CACNA1D: variants seen among roughly 807,000 people sequenced by gnomAD.
CACNA1D encodes the protein voltage-dependent L-type calcium channel subunit alpha-1D.
In CACNA1D, 55 loss-of-function variants were observed where a neutral mutation model predicts 257.1. That is an observed-to-expected ratio of 0.21 (90% confidence interval 0.17 to 0.27). The LOEUF is 0.27. Among genes scored for constraint, CACNA1D ranks in the 10% least tolerant of loss-of-function variants. The pLI is 1.00. For missense variants in CACNA1D, 1,876 were observed against 2,784.0 expected (o/e 0.67, Z 7.34); for synonymous variants, 980 against 1,014.9 (o/e 0.97, Z 0.65).
At chr3:53,768,277 T>G (rs995879807) in intron 30 of CACNA1D, among the ~76,000 whole-genome samples, 5 of 152,086 alleles carry the variant, frequency 3.3e-5, no homozygotes. Context: ...TTGTGCACAT[T>G]TCAGAAGGAT....
chr3:53,605,577 G>A (rs145193131), intron 3 of CACNA1D, among the ~76,000 whole-genome samples: 3 of 152,376 alleles, frequency 2.0e-5, no homozygotes, highest in African/African-American at 7.2e-5. Flanking sequence ...CAGGGAAGCA[G>A]TTAGGAAGAC....
chr3:53,700,273 G>T (rs2094610852), intron 8 of CACNA1D, among the ~76,000 whole-genome samples: 1 of 151,850 alleles, frequency 6.6e-6, no homozygotes, highest in African/African-American at 2.4e-5. Context: ...GTAACCATCT[G>T]AATTTAGTAT....
chr3:53,691,910 ATATAATATATATT>A (rs2094532583), intron 8 of CACNA1D, among the ~76,000 whole-genome samples: 3 of 65,244 alleles, frequency 4.6e-5, no homozygotes, highest in African/African-American at 1.2e-4. Context: ...CATATATTAT[ATATAATATATATT>A]ATATATATTA....
At chr3:53,649,354 T>C (rs1004439105) in intron 3 of CACNA1D, among the ~76,000 whole-genome samples, 2 of 152,264 alleles carry the variant, frequency 1.3e-5, no homozygotes, top group Admixed American at 6.5e-5. Flanking sequence ...CATAAAAATA[T>C]ATAATAGTGA....
At chr3:53,547,176 A>C (rs2092429831) in intron 3 of CACNA1D, among the ~76,000 whole-genome samples, 1 of 152,114 alleles carries the variant, frequency 6.6e-6, no homozygotes, top group Non-Finnish European at 1.5e-5. Context: ...AGTCCAGTGC[A>C]CCTGTCATTG....
At position 53,656,316 on chromosome 3, in the gene CACNA1D, AT is replaced by A. The variant is rs139937915; in HGVS notation, c.624-3816del. On this transcript the variant is annotated intron_variant, in intron 4 of 47. Coordinates refer to ENST00000350061, the MANE Select transcript of CACNA1D (RefSeq NM_001128840.3). Reference sequence around the variant, plus strand: ...AATTTTTTTTCTAGTTATGTGAAGAATGTCATTGGTGGTTTGATAGGAATAA... The same window carrying A: ...AATTTTTTTTCTAGTTATGTGAAGAAGTCATTGGTGGTTTGATAGGAATAA... Among the ~76,000 whole-genome samples, 696 of 152,318 alleles carry A rather than the reference AT, an allele frequency of 4.6e-3. 25 individuals carry two copies. In the East Asian group the frequency reaches 0.085, roughly 19 times the overall value.
At chr3:53,727,077 GTGA>G in intron 15 of CACNA1D, 78 bp downstream of exon 15, 1 of 1,529,546 alleles carries the variant, frequency 6.5e-7, no homozygotes, top group Non-Finnish European at 9.0e-7. Context: ...TTTCTCTGTG[GTGA>G]TGGTGGTGGT....
chr3:53,600,554 G>A (rs895172821), intron 3 of CACNA1D, among the ~76,000 whole-genome samples: 5 of 152,166 alleles, frequency 3.3e-5, no homozygotes, highest in African/African-American at 1.2e-4. Flanking sequence ...CTAGTAAATG[G>A]CAGAACTGGG....
intron 3 of CACNA1D, among the ~76,000 whole-genome samples, chr3:53,533,664 C>T (rs908387026): frequency 3.3e-5 from 5 of 152,282 alleles, no homozygotes; most frequent in East Asian, 1.9e-4. Flanking sequence ...TCCCTGGGGT[C>T]CCCAGCCTGC....
chr3:53,545,021 A>G (rs776768542), intron 3 of CACNA1D, among the ~76,000 whole-genome samples: 2 of 152,170 alleles, frequency 1.3e-5, no homozygotes, highest in Admixed American at 1.3e-4. Flanking sequence ...AAAGGGGAGG[A>G]AAGATGGATA....
intron 7 of CACNA1D, among the ~76,000 whole-genome samples, chr3:53,668,903 CAACT>C (rs2094295613): frequency 6.6e-6 from 1 of 152,070 alleles, no homozygotes; most frequent in African/African-American, 2.4e-5. Flanking sequence ...TTTCCCCCAC[CAACT>C]ATTTCAAATT....
At chr3:53,729,147 G>A (rs2094963505) in intron 15 of CACNA1D, among the ~76,000 whole-genome samples, 1 of 152,180 alleles carries the variant, frequency 6.6e-6, no homozygotes, top group South Asian at 2.1e-4. Flanking sequence ...ATGTTACCAA[G>A]CCATCTCCAG....
intron 32 of CACNA1D, among the ~76,000 whole-genome samples, chr3:53,772,314 G>A (rs2095370723): frequency 6.6e-6 from 1 of 152,116 alleles, no homozygotes; most frequent in South Asian, 2.1e-4. Flanking sequence ...CTTCCCCTCT[G>A]ACCCAGTAAT....
rs372058964 is a variant in CACNA1D at position 53,717,793 on chromosome 3, T to C, written c.1391-508T>C. ...AAATAGAGTTCTTAACTCTAAAAAA[T>C]GTTGTGCATGGTACCTTCATGCACT... On this transcript the variant is annotated intron_variant, in intron 9 of 47. Coordinates refer to ENST00000350061, the MANE Select transcript of CACNA1D (RefSeq NM_001128840.3). Among the ~76,000 whole-genome samples, 233 of 152,242 alleles carry C rather than the reference T, an allele frequency of 1.5e-3. 2 individuals are homozygous for C. Among genetic ancestry groups the C allele is most frequent in the African/African-American group, 5.2e-3 (218 of 41,548 alleles).
chr3:53,633,390 G>A (rs189132981), intron 3 of CACNA1D, among the ~76,000 whole-genome samples: 1 of 152,314 alleles, frequency 6.6e-6, no homozygotes, highest in Non-Finnish European at 1.5e-5. Context: ...GGGAGGCGGA[G>A]GTTGTAATGA....
At chr3:53,608,595 A>G (rs930912951) in intron 3 of CACNA1D, among the ~76,000 whole-genome samples, 4 of 152,190 alleles carry the variant, frequency 2.6e-5, no homozygotes, top group Non-Finnish European at 5.9e-5. Flanking sequence ...ACCGTTAAGT[A>G]TGATGCTAGC....
intron 3 of CACNA1D, among the ~76,000 whole-genome samples, chr3:53,509,943 C>T (rs1427785581): frequency 6.6e-6 from 1 of 152,218 alleles, no homozygotes; most frequent in African/African-American, 2.4e-5. Flanking sequence ...TTGATTGAGA[C>T]CTCCTGTGCA....
chr3:53,739,371 C>G (rs922857608), intron 20 of CACNA1D, among the ~76,000 whole-genome samples: 1 of 152,202 alleles, frequency 6.6e-6, no homozygotes, highest in Non-Finnish European at 1.5e-5. Flanking sequence ...CCAAGACCAA[C>G]TCGCCTTTGC....
At chr3:53,520,341 A>G (rs570075260) in intron 3 of CACNA1D, among the ~76,000 whole-genome samples, 1 of 152,352 alleles carries the variant, frequency 6.6e-6, no homozygotes, top group Admixed American at 6.5e-5. Context: ...ATCATAGTGC[A>G]TATGAAGTGG....
Sources: allele counts gnomAD v4.1 joint callset (sites outside exome capture counted in the v4.1 genomes callset), GRCh38; gene constraint gnomAD v4.1.1; transcripts MANE v1.5; gene names NCBI Gene and HGNC (gene_info 2026-07-23, HGNC 2026-07-21).